NUP155: variants seen among roughly 807,000 people sequenced by gnomAD.
NUP155 encodes nucleoporin 155, also known as nuclear pore complex protein Nup155.
Under a neutral mutation model 180.4 loss-of-function variants are expected in NUP155, and 71 were observed. The observed-to-expected ratio is 0.39, with a 90% CI of 0.33 to 0.48. The LOEUF (loss-of-function observed/expected upper bound fraction) is 0.48, where lower values mean the gene tolerates loss of function less well. NUP155 is among the 20% of genes least tolerant of loss of function. The pLI is 0.91. For synonymous variants in NUP155, 582 were observed against 559.5 expected, an observed-to-expected ratio of 1.04 and a Z score of -0.57; for missense variants, 1,553 against 1,648.9, an observed-to-expected ratio of 0.94 and a Z score of 1.01.
chr5:37,361,644 A>G lies in NUP155; in HGVS notation c.392+2244T>C, dbSNP rs573482606. 9.8e-5 allele frequency among the ~76,000 whole-genome samples: 15 copies of G among 152,324 alleles called. 1 individual carries two copies. In the East Asian group the frequency reaches 2.9e-3, roughly 29 times the overall value. ...AGAACAATGAAATGACCAAGATTAC[A>G]TTTTTATCATCCAGGTGGAATTAGG... On this transcript the variant is annotated intron_variant, in intron 3 of 34. Transcript: ENST00000231498.
In NUP155 at chr5:37,351,216, C is replaced by T. The variant is rs1746434835; in HGVS notation, c.697G>A (p.Gly233Ser). Residue 233 changes from glycine (G) to serine (S), a missense_variant, in exon 6 of 35, where the codon GGC becomes AGC. Transcript: ENST00000231498. ...TGGTAGGCTACTTCATATAAACAGC[C>T]ATCCTTTCCAGCCAAGAAAATTCTG... ...NGRIFLAGKD[G>S]CLYEVAYQAE... 9 of 1,613,682 alleles carry T rather than the reference C, an allele frequency of 5.6e-6. No individual in the cohort carries two copies. Among genetic ancestry groups the T allele is most frequent in the Non-Finnish European group, 5.9e-6 (7 of 1,179,892 alleles).
intron 20 of NUP155, among the ~76,000 whole-genome samples, chr5:37,318,473 T>C (rs1322865343): frequency 6.6e-6 from 1 of 150,380 alleles, no homozygotes; most frequent in South Asian, 2.1e-4. Context: ...ATAGATTGAG[T>C]ATCCCTAATA....
intron 10 of NUP155, 104 bp from the exon 11 acceptor site, chr5:37,341,346 C>A: frequency 1.0e-6 from 1 of 976,004 alleles, no homozygotes; most frequent in East Asian, 2.5e-5. Context: ...CTGCTAAAAC[C>A]ATACATAACT....
At chr5:37,343,762 G>A (rs1745897344) in intron 9 of NUP155, among the ~76,000 whole-genome samples, 2 of 151,820 alleles carry the variant, frequency 1.3e-5, no homozygotes, top group South Asian at 2.1e-4. Flanking sequence ...GGGTGGTAGC[G>A]CATGCCTGTA....
Position 37,370,942 on chromosome 5 carries a change from G to A in NUP155, c.36C>T (p.Ala12=). Reference sequence around the variant, plus strand: ...CCTGCAGGGCTGCGGCAGATGTAGAGGCCGGCATCGCCGCGCCCAACAAAG... The same window carrying A: ...CCTGCAGGGCTGCGGCAGATGTAGAAGCCGGCATCGCCGCGCCCAACAAAG... ...PSSLLGAAMP[A]STSAAALQEA... is the part of the protein sequence containing the mutation. Residue 12 remains alanine, a synonymous_variant, in exon 1 of 35, where the codon GCC becomes GCT. Coordinates refer to ENST00000231498, the MANE Select transcript of NUP155 (RefSeq NM_153485.3). 6.2e-7 allele frequency: 1 copy of A among 1,614,100 alleles called. No individual in the cohort carries two copies. Among genetic ancestry groups the A allele is most frequent in the Non-Finnish European group, 8.5e-7 (1 of 1,180,034 alleles).
rs756772871 is a variant in NUP155, at chr5:37,291,780, T to C, written c.*120A>G. The C allele has an allele frequency of 8.8e-6, 8 of 907,300 alleles. No homozygotes were observed. Among genetic ancestry groups the C allele is most frequent in the South Asian group, 1.6e-5 (1 of 64,168 alleles). The allele number at this position is 907,300 out of a possible 1,614,324, so 56.2% of individuals were successfully genotyped here. The stretch of plus-strand genomic sequence containing the variant: ...ACTATTTGTAGATATTAGCCACTTA[T>C]TAAAAACATATTTCTATTAAGATTG... On this transcript the variant is annotated 3_prime_UTR_variant, in exon 35 of 35. Coordinates refer to ENST00000231498, the MANE Select transcript of NUP155 (RefSeq NM_153485.3).
intron 21 of NUP155, among the ~76,000 whole-genome samples, chr5:37,316,924 A>G (rs1370407638): frequency 6.6e-6 from 1 of 151,214 alleles, no homozygotes. Context: ...GCACTTTGGG[A>G]GGCTGAGGTG....
rs967452217 is a variant in NUP155 at position 37,290,086 on chromosome 5, T to A, written c.*1814A>T. On this transcript the variant is annotated 3_prime_UTR_variant, in exon 35 of 35. Transcript: ENST00000231498. Reference sequence around the variant, plus strand: ...ACCCTATGGTCTTGGGAAAAGACAATAATGGAAGGAAAAATATATTCAAAA... The same window carrying A: ...ACCCTATGGTCTTGGGAAAAGACAAAAATGGAAGGAAAAATATATTCAAAA... 6.6e-6 allele frequency: 1 copy of A among 152,048 alleles called. No individual in the cohort carries two copies. The highest frequency in any genetic ancestry group is 2.4e-5 in the African/African-American group (1 of 41,408). The allele number at this position is 152,048 out of a possible 1,614,324, so 9.4% of individuals were successfully genotyped here.
chr5:37,291,620 G>A lies in NUP155; in HGVS notation c.*280C>T, dbSNP rs1742235959. On this transcript the variant is annotated 3_prime_UTR_variant, in exon 35 of 35. Coordinates refer to ENST00000231498, the MANE Select transcript of NUP155 (RefSeq NM_153485.3). ...TATAAATTCGAAATTTCTGCCTGCAGTACAATTCAAAATAAGAGTTTCTAA... is the reference window on the plus strand; with the variant it reads ...TATAAATTCGAAATTTCTGCCTGCAATACAATTCAAAATAAGAGTTTCTAA... The A allele has an allele frequency of 3.3e-6, 1 of 307,170 alleles. No individual in the cohort carries two copies. The highest frequency in any genetic ancestry group is 7.8e-5 in the East Asian group (1 of 12,862). The allele number at this position is 307,170 out of a possible 1,614,324, so 19.0% of individuals were successfully genotyped here.
intron 21 of NUP155, among the ~76,000 whole-genome samples, chr5:37,315,496 T>C (rs1309405127): frequency 6.7e-6 from 1 of 149,706 alleles, no homozygotes. Context: ...AAAAGGCATA[T>C]TACTAATCAT....
At chr5:37,339,711 T>C (rs923576849) in intron 11 of NUP155, among the ~76,000 whole-genome samples, 9 of 152,202 alleles carry the variant, frequency 5.9e-5, no homozygotes, top group South Asian at 4.1e-4. Flanking sequence ...ATGCCCCAAA[T>C]TGATATACTG....
At chr5:37,360,960 T>C (rs1331910597) in intron 3 of NUP155, among the ~76,000 whole-genome samples, 1 of 151,840 alleles carries the variant, frequency 6.6e-6, no homozygotes, top group Non-Finnish European at 1.5e-5. Context: ...AAAGAGAATG[T>C]ATCAGAATAT....
At chr5:37,315,947 A>C (rs562307909) in intron 21 of NUP155, among the ~76,000 whole-genome samples, 73 of 152,336 alleles carry the variant, frequency 4.8e-4, no homozygotes, top group African/African-American at 1.7e-3. Flanking sequence ...TCTCAAAAAG[A>C]AATAAAGATA....
intron 14 of NUP155, among the ~76,000 whole-genome samples, chr5:37,330,492 T>C (rs1488506621): frequency 6.6e-6 from 1 of 152,198 alleles, no homozygotes; most frequent in Non-Finnish European, 1.5e-5. Flanking sequence ...GTTTAGCATA[T>C]ATTAATCCTC....
Position 37,293,113 on chromosome 5 carries a change from A to G in NUP155, c.3931-128T>C, listed in dbSNP as rs2272602. 108,466 of 669,844 alleles carry G rather than the reference A, an allele frequency of 0.16. 9,228 individuals are homozygous for G. Among genetic ancestry groups the G allele is most frequent in the South Asian group, 0.2 (11,750 of 59,132 alleles). The allele number at this position is 669,844 out of a possible 1,614,324, so 41.5% of individuals were successfully genotyped here. ...GCTATTAAAAAGCATTTAATATCAC[A>G]TGGCTACTAAATTATATATCTGATT... On this transcript the variant is annotated intron_variant, in intron 33 of 34. Transcript: ENST00000231498.
At position 37,364,393 on chromosome 5, in the gene NUP155, A is replaced by C. The variant is rs1416908585; in HGVS notation, c.158-9T>G. On this transcript the variant is annotated splice_polypyrimidine_tract_variant and intron_variant, in intron 1 of 34. Transcript: ENST00000231498. ...AGAAACGGTGGGATTATCTACAAAA[A>C]GAAAATGAAGTATTTATAATAATGT... is the stretch of plus-strand genomic sequence containing the variant. The C allele has an allele frequency of 1.9e-6, 3 of 1,610,478 alleles. No homozygotes were observed. In the Admixed American group the frequency reaches 5.0e-5, roughly 27 times the overall value.
intron 4 of NUP155, among the ~76,000 whole-genome samples, chr5:37,354,723 C>T (rs1746701417): frequency 2.0e-5 from 3 of 151,868 alleles, no homozygotes; most frequent in African/African-American, 7.2e-5. Flanking sequence ...TCACAAAGTG[C>T]TGGGATTACA....
At chr5:37,333,753 G>T in intron 12 of NUP155, 120 bp from the exon 13 acceptor site, 1 of 723,914 alleles carries the variant, frequency 1.4e-6, no homozygotes. Context: ...GAATATTTTT[G>T]AAAGTATTAT....
chr5:37,313,260 G>A (rs1390714788), intron 22 of NUP155, among the ~76,000 whole-genome samples: 1 of 151,654 alleles, frequency 6.6e-6, no homozygotes, highest in Non-Finnish European at 1.5e-5. Flanking sequence ...GTGAAACCCC[G>A]TCTCTACTAA....
Sources: gnomAD v4.1 joint callset for allele counts (sites outside exome capture counted in the v4.1 genomes callset) on GRCh38, gnomAD v4.1.1 for gene constraint, MANE v1.5 for transcripts, NCBI Gene and HGNC (gene_info 2026-07-23, HGNC 2026-07-21) for gene names.